Variants in ZNF511 observed in about 807,000 individuals in gnomAD.
ZNF511 encodes zinc finger protein 511.
In ZNF511, 26 loss-of-function variants were observed where a neutral mutation model predicts 24.8. That is an observed-to-expected ratio of 1.05 (90% CI 0.77 to 1.46). ZNF511 has a LOEUF of 1.46. Ranked by LOEUF, ZNF511 falls within the 40% of genes most tolerant of loss-of-function variation. The pLI, the probability that ZNF511 is intolerant of heterozygous loss-of-function variation, is 0.00. For synonymous variants in ZNF511, 144 were observed against 139.6 expected, an observed-to-expected ratio of 1.03 and a Z score of -0.22; for missense variants, 358 against 345.0, an observed-to-expected ratio of 1.04 and a Z score of -0.30.
rs1302102341 is a variant in ZNF511, at chr10:133,312,174, G to A, written c.680+333G>A. The stretch of plus-strand genomic sequence containing the variant: ...CTGCCTTAATAGCATCACCTGTGCC[G>A]TCTGCGTTTCTAGCGTCACCTGTGC... On this transcript the variant is annotated intron_variant, in intron 5 of 5. Transcript: ENST00000361518. 21 of 1,415,872 alleles carry A rather than the reference G, an allele frequency of 1.5e-5. No homozygotes were observed. In the Admixed American group the frequency reaches 1.5e-4, roughly 10 times the overall value. The allele number at this position is 1,415,872 out of a possible 1,614,324, so 87.7% of individuals were successfully genotyped here.
intron 4 of ZNF511, chr10:133,310,551 G>A (rs1010682265): frequency 2.6e-5 from 13 of 497,616 alleles, no homozygotes; most frequent in East Asian, 1.5e-4. Flanking sequence ...GGGAATGAGC[G>A]GGCGCAGCGC....
intron 4 of ZNF511, 163 bp downstream of exon 4, chr10:133,310,451 G>A (rs1847965406): frequency 3.3e-6 from 3 of 919,056 alleles, no homozygotes; most frequent in African/African-American, 1.7e-5. Flanking sequence ...GCTACAGGTG[G>A]TTGTGCCAGC....
rs778832027 is a variant in ZNF511 at position 133,310,306 on chromosome 10, TCAGCA to T, written c.554+20_554+24del. Reference sequence around the variant, plus strand: ...AGCAGAAGGTAGGGAGCCGCCAGGCTCAGCACGTGTCTGCTTTTGATTTTAGGAAA... The same window carrying T: ...AGCAGAAGGTAGGGAGCCGCCAGGCTCGTGTCTGCTTTTGATTTTAGGAAA... On this transcript the variant is annotated intron_variant, in intron 4 of 5. Coordinates refer to ENST00000361518, the MANE Select transcript of ZNF511 (RefSeq NM_145806.4). 3.7e-6 allele frequency: 6 copies of T among 1,612,934 alleles called. No homozygotes were observed. The highest frequency in any genetic ancestry group is 2.2e-5 in the South Asian group (2 of 91,044).
At chr10:133,311,393 G>A (rs1426162031) in intron 4 of ZNF511, among the ~76,000 whole-genome samples, 1 of 152,134 alleles carries the variant, frequency 6.6e-6, no homozygotes, top group East Asian at 1.9e-4. Flanking sequence ...TATAGTCTCT[G>A]GTTAACTTTA....
chr10:133,310,125 G>A (rs774984047), intron 3 of ZNF511, 39 bp from the exon 4 acceptor site: 1 of 1,612,718 alleles, frequency 6.2e-7, no homozygotes, highest in Non-Finnish European at 8.5e-7. Context: ...GTGGGGGAGG[G>A]CCAGGGGTCA....
intron 5 of ZNF511, 90 bp from the exon 6 acceptor site, chr10:133,312,696 AAG>A (rs749029830): frequency 2.8e-5 from 45 of 1,598,992 alleles, no homozygotes; most frequent in Admixed American, 1.5e-4. Context: ...CCCAGAGTGA[AAG>A]AGAATGAGAA....
At position 133,313,144 on chromosome 10, in the gene ZNF511, A is replaced by G. The variant is rs1243259058; in HGVS notation, c.*278A>G. 6 of 629,736 alleles carry G rather than the reference A, an allele frequency of 9.5e-6. No individual in the cohort carries two copies. Among genetic ancestry groups the G allele is most frequent in the South Asian group, 5.6e-5 (2 of 35,758 alleles). The allele number at this position is 629,736 out of a possible 1,614,324, so 39.0% of individuals were successfully genotyped here. A position where few individuals can be genotyped will look rare whatever the true frequency, so the allele number is the denominator to read the frequency against. On this transcript the variant is annotated 3_prime_UTR_variant, in exon 6 of 6. Transcript: ENST00000361518. Reference sequence around the variant, plus strand: ...AAGAATGTATTTTTAAACACATGAAATAAGTATTTTTCACTGATGGTCTTG... The same window carrying G: ...AAGAATGTATTTTTAAACACATGAAGTAAGTATTTTTCACTGATGGTCTTG...
intron 5 of ZNF511, chr10:133,312,140 C>T: frequency 7.0e-7 from 1 of 1,437,230 alleles, no homozygotes; most frequent in Non-Finnish European, 9.1e-7. Flanking sequence ...TCAGTCACAA[C>T]CCAGGCGTCT....
At chr10:133,309,259 G>A (rs1474074289) in intron 1 of ZNF511, 131 bp from the exon 2 acceptor site, 3 of 1,337,262 alleles carry the variant, frequency 2.2e-6, no homozygotes, top group Non-Finnish European at 3.0e-6. Flanking sequence ...GGAACGTGGA[G>A]TGGGCGGGGC....
At chr10:133,310,516 C>A in intron 4 of ZNF511, 1 of 567,446 alleles carries the variant, frequency 1.8e-6, no homozygotes, top group Non-Finnish European at 3.1e-6. Context: ...CAGCTCTGTG[C>A]CGGTGGAGGC....
rs1847923413 is a variant in ZNF511 at position 133,309,199 on chromosome 10, GCGGGGC to G, written c.153+107_153+112del. 5.8e-6 allele frequency: 8 copies of G among 1,376,454 alleles called. No individual in the cohort carries two copies. The East Asian group carries it at 1.9e-4, about 33-fold the overall frequency. 85.3% of individuals were successfully genotyped at this position (1,376,454 alleles called of 1,614,324 possible). On this transcript the variant is annotated intron_variant, in intron 1 of 5. Transcript: ENST00000361518. ...AGTGGGAGGGGCCTACGACTGCGGG[GCGGGGC>G]CGGAGCCTGGGACAGGCGGGACCTG...
rs1848027706 is a variant in ZNF511 at position 133,313,088 on chromosome 10, A to T, written c.*222A>T. 2.1e-5 allele frequency: 26 copies of T among 1,230,764 alleles called. No individual in the cohort carries two copies. In the South Asian group the frequency reaches 4.4e-4, roughly 21 times the overall value. 76.2% of individuals were successfully genotyped at this position (1,230,764 alleles called of 1,614,324 possible). ...ACACACTATTGGGAAGGAGATGTGG[A>T]CGGCCTGTCTCCTCCTGCAGGGCCC... On this transcript the variant is annotated 3_prime_UTR_variant, in exon 6 of 6. Coordinates refer to ENST00000361518, the MANE Select transcript of ZNF511 (RefSeq NM_145806.4).
intron 5 of ZNF511, 69 bp downstream of exon 5, chr10:133,311,910 C>T (rs910650597): frequency 2.5e-6 from 4 of 1,613,036 alleles, no homozygotes; most frequent in African/African-American, 2.7e-5. Flanking sequence ...CTGGGCTGCA[C>T]CTGGGCCGCA....
chr10:133,309,177 G>C, intron 1 of ZNF511, 81 bp downstream of exon 1: 3 of 1,368,830 alleles, frequency 2.2e-6, no homozygotes, highest in South Asian at 1.7e-5. Flanking sequence ...AGCCTGGAGT[G>C]GGAGGGGCCT....
intron 1 of ZNF511, 59 bp from the exon 2 acceptor site, chr10:133,309,331 T>G: frequency 2.5e-6 from 4 of 1,572,744 alleles, no homozygotes; most frequent in Non-Finnish European, 2.6e-6. Context: ...GGGCGAGGCC[T>G]GACGCGGTGG....
At chr10:133,310,065 G>T (rs1847953967) in intron 3 of ZNF511, 88 bp downstream of exon 3, 1 of 1,609,664 alleles carries the variant, frequency 6.2e-7, no homozygotes, top group African/African-American at 1.3e-5. Context: ...GCTCGGGCAA[G>T]GCCGGGGACA....
At position 133,310,165 on chromosome 10, in the gene ZNF511, A is replaced by G. The variant is rs1437486104; in HGVS notation, c.431A>G (p.Tyr144Cys). 3.7e-6 allele frequency: 6 copies of G among 1,613,774 alleles called. No individual in the cohort carries two copies. The highest frequency in any genetic ancestry group is 1.3e-5 in the African/African-American group (1 of 74,940). ...FQILSERQDM[Y>C]QCLVEGCTEK... is the part of the protein sequence containing the mutation. ...GAGGTGACACGGTCTCCATTTCAGTATCAGTGCTTGGTAGAAGGCTGCACA... is the reference window on the plus strand; with the variant it reads ...GAGGTGACACGGTCTCCATTTCAGTGTCAGTGCTTGGTAGAAGGCTGCACA... The change falls in exon 4 of 6, where the codon TAT (tyrosine) becomes TGT (cysteine). Residue 144 changes from tyrosine (Y) to cysteine (C), a missense_variant and splice_region_variant. Physicochemically the swap from Tyr to Cys is radical, Grantham distance 194. Coordinates refer to ENST00000361518, the MANE Select transcript of ZNF511 (RefSeq NM_145806.4).
rs1230941819 is a variant in ZNF511 at position 133,309,863 on chromosome 10, C to T, written c.315C>T (p.His105=). The T allele has an allele frequency of 1.2e-6, 2 of 1,613,706 alleles. No homozygotes were observed. Among genetic ancestry groups the T allele is most frequent in the African/African-American group, 1.3e-5 (1 of 74,940 alleles). ...ACGAGCACCACTACCACACGCTGCA[C>T]GGAAATGTTTGCTCCTTTTGCAAGC... is the stretch of plus-strand genomic sequence containing the variant. ...DDYEHHYHTL[H]GNVCSFCKRA... Residue 105 remains histidine, a synonymous_variant, in exon 3 of 6, where the codon CAC becomes CAT. Coordinates refer to ENST00000361518, the MANE Select transcript of ZNF511 (RefSeq NM_145806.4).
Position 133,309,033 on chromosome 10 carries a change from G to C in ZNF511, c.90G>C (p.Gly30=). Residue 30 remains glycine (G), a synonymous_variant, in exon 1 of 6, where the codon GGG becomes GGC. Transcript: ENST00000361518. ...PLPVERDPAA[G]AAPFRFVARP... is the part of the protein sequence containing the mutation. ...CTGTAGAGCGGGATCCCGCGGCTGGGGCCGCGCCCTTTCGCTTCGTTGCGC... is the reference window on the plus strand; with the variant it reads ...CTGTAGAGCGGGATCCCGCGGCTGGCGCCGCGCCCTTTCGCTTCGTTGCGC... 7.9e-7 allele frequency: 1 copy of C among 1,269,568 alleles called. No individual in the cohort carries two copies. Among genetic ancestry groups the C allele is most frequent in the Non-Finnish European group, 1.0e-6 (1 of 1,001,730 alleles). The allele number at this position is 1,269,568 out of a possible 1,614,324, so 78.6% of individuals were successfully genotyped here. A position where few individuals can be genotyped will look rare whatever the true frequency, so the allele number is the denominator to read the frequency against.
Sources: allele counts gnomAD v4.1 joint callset (sites outside exome capture counted in the v4.1 genomes callset), GRCh38; gene constraint gnomAD v4.1.1; transcripts MANE v1.5; gene names NCBI Gene and HGNC (gene_info 2026-07-23, HGNC 2026-07-21).